The following CSMD1 variants were observed in gnomAD, a reference collection of about 807,000 sequenced individuals.
CSMD1 encodes the protein CUB and Sushi multiple domains 1.
Under a neutral mutation model 417.5 loss-of-function variants are expected in CSMD1, and 213 were observed. The ratio of observed to expected loss-of-function variants is 0.51; its 90% confidence interval spans 0.46 to 0.57. CSMD1 has a LOEUF of 0.57. Ranked by LOEUF, CSMD1 falls within the 20% of genes least tolerant of loss-of-function variation. CSMD1 has a pLI of 0.00. For synonymous variants in CSMD1, 2,862 were observed against 1,736.8 expected (o/e 1.65, Z -16.11); for missense variants, 6,923 against 4,529.7 (o/e 1.53, Z -15.17).
rs1321589724 is a variant in CSMD1, at chr8:2,974,760, T to C, written c.8567-136A>G. ...CCTAAATATTCTGGTACTTATGTAA[T>C]TTGTGAGAAATACCAATTTTCAGAT... On this transcript the variant is annotated intron_variant, in intron 55 of 69. Transcript: ENST00000635120. The C allele has an allele frequency of 5.7e-6, 3 of 525,938 alleles. No homozygotes were observed. In the African/African-American group the frequency reaches 5.8e-5, roughly 10 times the overall value. The allele number at this position is 525,938 out of a possible 1,614,324, so 32.6% of individuals were successfully genotyped here.
At chr8:4,436,758 G>A (rs145479479) in intron 2 of CSMD1, among the ~76,000 whole-genome samples, 20 of 152,198 alleles carry the variant, frequency 1.3e-4, no homozygotes, top group African/African-American at 4.8e-4. Flanking sequence ...CCACAAATAA[G>A]TGATCATGTG....
At chr8:4,801,801 T>C (rs987836721) in intron 1 of CSMD1, among the ~76,000 whole-genome samples, 1 of 152,108 alleles carries the variant, frequency 6.6e-6, no homozygotes, top group African/African-American at 2.4e-5. Context: ...AAAAGAGAAA[T>C]GAATACAGCT....
chr8:3,896,868 G>A (rs544808694), intron 5 of CSMD1, among the ~76,000 whole-genome samples: 23 of 151,780 alleles, frequency 1.5e-4, no homozygotes, highest in Non-Finnish European at 7.4e-5. Context: ...TTTAAAAAGC[G>A]CTTGTCTATC....
chr8:3,335,979 A>T (rs904988427), intron 23 of CSMD1, among the ~76,000 whole-genome samples: 6 of 152,130 alleles, frequency 3.9e-5, no homozygotes, highest in African/African-American at 1.2e-4. Context: ...GGGCTAATTT[A>T]CATGCAGAGG....
At chr8:3,756,449 C>T (rs1179767027) in intron 5 of CSMD1, among the ~76,000 whole-genome samples, 1 of 151,674 alleles carries the variant, frequency 6.6e-6, no homozygotes, top group Non-Finnish European at 1.5e-5. Context: ...TAAATTCAAA[C>T]ATAGAAAATT....
At chr8:3,794,664 G>C (rs924286608) in intron 5 of CSMD1, among the ~76,000 whole-genome samples, 8 of 151,428 alleles carry the variant, frequency 5.3e-5, no homozygotes, top group Non-Finnish European at 8.8e-5. Flanking sequence ...GTGATTATTT[G>C]GTATTTATCC....
At chr8:3,816,233 T>A (rs1801358264) in intron 5 of CSMD1, among the ~76,000 whole-genome samples, 1 of 152,222 alleles carries the variant, frequency 6.6e-6, no homozygotes, top group Admixed American at 6.5e-5. Flanking sequence ...ACGTGTTATA[T>A]TCGATCCTGG....
intron 3 of CSMD1, among the ~76,000 whole-genome samples, chr8:4,155,587 T>A (rs899188976): frequency 1.3e-5 from 2 of 152,168 alleles, no homozygotes; most frequent in Admixed American, 6.5e-5. Flanking sequence ...AAATTGTGAG[T>A]CATTTTTTCA....
intron 2 of CSMD1, among the ~76,000 whole-genome samples, chr8:4,455,264 A>T (rs1365920827): frequency 2.0e-5 from 3 of 152,216 alleles, no homozygotes; most frequent in African/African-American, 7.2e-5. Context: ...GGTTAAAAAA[A>T]ATAGGAGAAG....
At chr8:4,901,292 T>C (rs1254203141) in intron 1 of CSMD1, among the ~76,000 whole-genome samples, 5 of 152,212 alleles carry the variant, frequency 3.3e-5, no homozygotes, top group Admixed American at 3.3e-4. Flanking sequence ...AAGTTTGTGA[T>C]AATTTTTTAT....
intron 5 of CSMD1, among the ~76,000 whole-genome samples, chr8:3,931,954 G>C (rs954777807): frequency 5.4e-5 from 8 of 148,988 alleles, no homozygotes; most frequent in African/African-American, 2.0e-4. Context: ...AATCTAAAAA[G>C]GACTTTTTAA....
chr8:3,626,289 T>C (rs906721677), intron 7 of CSMD1, among the ~76,000 whole-genome samples: 3 of 152,184 alleles, frequency 2.0e-5, no homozygotes, highest in African/African-American at 4.8e-5. Context: ...TTAAGAACTC[T>C]AGACTTAAGA....
In CSMD1 at chr8:3,396,951, T is replaced by C. The variant is rs146145051; in HGVS notation, c.2406-570A>G. ...AGACATTAGAACAACCATGGGTATG[T>C]TGCCATTTCAGACATGAAAGGATAC... On this transcript the variant is annotated intron_variant, in intron 16 of 69. Transcript: ENST00000635120. 2.9e-4 allele frequency among the ~76,000 whole-genome samples: 44 copies of C among 152,268 alleles called. No individual in the cohort carries two copies. The East Asian group carries it at 7.7e-3, about 27-fold the overall frequency.
chr8:2,991,572 G>T (rs1423085322), intron 54 of CSMD1, among the ~76,000 whole-genome samples: 1 of 152,074 alleles, frequency 6.6e-6, no homozygotes, highest in Non-Finnish European at 1.5e-5. Flanking sequence ...AACAGACGTG[G>T]TTCAAAATTG....
chr8:4,539,213 A>C (rs567916777), intron 2 of CSMD1, among the ~76,000 whole-genome samples: 1 of 152,352 alleles, frequency 6.6e-6, no homozygotes, highest in East Asian at 1.9e-4. Context: ...GAGGTTTGCC[A>C]CTGCCACAAG....
chr8:4,049,587 G>A (rs75587283), intron 3 of CSMD1, among the ~76,000 whole-genome samples: 3,567 of 152,068 alleles, frequency 0.023, 103 homozygotes, highest in East Asian at 0.15. Flanking sequence ...TACCTGCTCT[G>A]TCTTTTTTAT....
At chr8:3,301,899 G>C (rs890761539) in intron 25 of CSMD1, among the ~76,000 whole-genome samples, 1 of 152,186 alleles carries the variant, frequency 6.6e-6, no homozygotes. Context: ...AACATAAAGA[G>C]ATGGAGAAAT....
At chr8:4,944,755 T>C (rs539894833) in intron 1 of CSMD1, among the ~76,000 whole-genome samples, 2 of 152,156 alleles carry the variant, frequency 1.3e-5, no homozygotes, top group South Asian at 2.1e-4. Context: ...ATAGCAACTG[T>C]TGGCGAGGAT....
intron 5 of CSMD1, among the ~76,000 whole-genome samples, chr8:3,886,692 T>C (rs746835868): frequency 1.3e-5 from 2 of 152,194 alleles, no homozygotes; most frequent in Non-Finnish European, 2.9e-5. Flanking sequence ...TACTACATGT[T>C]AGACACTTAT....
Sources: gnomAD v4.1 joint callset for allele counts (sites outside exome capture counted in the v4.1 genomes callset) on GRCh38, gnomAD v4.1.1 for gene constraint, MANE v1.5 for transcripts, NCBI Gene and HGNC (gene_info 2026-07-23, HGNC 2026-07-21) for gene names.